KHDRBS2: variants seen among roughly 807,000 people sequenced by gnomAD.
KHDRBS2 encodes the protein KH RNA binding domain containing, signal transduction associated 2.
KHDRBS2 carries 26 observed loss-of-function variants against 44.3 expected under a neutral mutation model. That is an observed-to-expected ratio of 0.59 (90% CI 0.43 to 0.81). The LOEUF (loss-of-function observed/expected upper bound fraction) is 0.81. Ranked by LOEUF, KHDRBS2 falls within the 40% of genes least tolerant of loss-of-function variation. The probability of loss-of-function intolerance (pLI) is 0.00; values close to 1 mark genes in which losing one functional copy is unlikely to be tolerated. For synonymous variants in KHDRBS2, 194 were observed against 151.1 expected (o/e 1.28, Z -2.08); for missense variants, 476 against 433.1 (o/e 1.10, Z -0.88).
chr6:61,595,047 CT>C, the KHDRBS2 span, among the ~76,000 whole-genome samples: 1 of 152,114 alleles, frequency 6.6e-6, no homozygotes, highest in Non-Finnish European at 1.5e-5. Flanking sequence ...TTCCTTTTCT[CT>C]CTCCCCACTG....
intron 1 of KHDRBS2, among the ~76,000 whole-genome samples, chr6:62,223,924 C>A (rs1831324578): frequency 6.6e-6 from 1 of 152,160 alleles, no homozygotes; most frequent in South Asian, 2.1e-4. Flanking sequence ...AACTCTCCCA[C>A]ATTTTCCTGT....
chr6:61,813,982 T>TAA (rs35068148), intron 6 of KHDRBS2: 3 of 455,504 alleles, frequency 6.6e-6, no homozygotes, highest in African/African-American at 2.0e-5. Context: ...TCCATGCCAG[T>TAA]AAAAAAAGCT....
chr6:62,219,284 G>A (rs1375598642), intron 1 of KHDRBS2, among the ~76,000 whole-genome samples: 1 of 151,874 alleles, frequency 6.6e-6, no homozygotes, highest in African/African-American at 2.4e-5. Context: ...ATGATTATAA[G>A]AGATACAGAA....
chr6:62,036,572 C>T lies in KHDRBS2; in HGVS notation c.336+11306G>A, dbSNP rs141518928. 2.8e-3 allele frequency among the ~76,000 whole-genome samples: 428 copies of T among 151,996 alleles called. 3 individuals are homozygous for T. Among genetic ancestry groups the T allele is most frequent in the African/African-American group, 9.4e-3 (390 of 41,520 alleles). On this transcript the variant is annotated intron_variant, in intron 3 of 8. Coordinates refer to ENST00000281156, the MANE Select transcript of KHDRBS2 (RefSeq NM_152688.4). Reference sequence around the variant, plus strand: ...TATAAGAAAAAAAAGTAATTTGGATCCATTTTCTATTTATTTAACTTAGGT... The same window carrying T: ...TATAAGAAAAAAAAGTAATTTGGATTCATTTTCTATTTATTTAACTTAGGT...
chr6:62,010,428 GAA>G (rs1187847563), intron 3 of KHDRBS2, among the ~76,000 whole-genome samples: 1 of 152,142 alleles, frequency 6.6e-6, no homozygotes, highest in Non-Finnish European at 1.5e-5. Flanking sequence ...AGTTAATGCT[GAA>G]AAGAGTTGAG....
At chr6:62,259,352 A>G (rs1294772730) in intron 1 of KHDRBS2, among the ~76,000 whole-genome samples, 1 of 151,860 alleles carries the variant, frequency 6.6e-6, no homozygotes, top group Non-Finnish European at 1.5e-5. Flanking sequence ...TTCAAATACT[A>G]TATTTTCCTT....
chr6:61,861,984 G>A (rs1396085921), intron 6 of KHDRBS2, among the ~76,000 whole-genome samples: 1 of 152,036 alleles, frequency 6.6e-6, no homozygotes, highest in Non-Finnish European at 1.5e-5. Context: ...ACCTGTGAAT[G>A]GGAGTTCATT....
rs71568778 is a variant in KHDRBS2 at position 61,893,301 on chromosome 6, C to T, written c.810+1334G>A. On this transcript the variant is annotated intron_variant, in intron 6 of 8. Transcript: ENST00000281156. ...TAGGAACACTTTTACACTGTTGGTGCGACTGTAAACTAGTTCAACCATTGT... is the reference window on the plus strand; with the variant it reads ...TAGGAACACTTTTACACTGTTGGTGTGACTGTAAACTAGTTCAACCATTGT... Among the ~76,000 whole-genome samples the T allele has an allele frequency of 6.8e-4, 104 of 152,180 alleles. 3 individuals are homozygous for T. In the South Asian group the frequency reaches 0.018, roughly 26 times the overall value.
intron 6 of KHDRBS2, among the ~76,000 whole-genome samples, chr6:61,851,998 G>C (rs1421689202): frequency 6.6e-6 from 1 of 152,116 alleles, no homozygotes; most frequent in African/African-American, 2.4e-5. Flanking sequence ...GAGGCAGGCG[G>C]ATCACCTGAG....
chr6:62,046,537 G>C (rs1562716970), intron 3 of KHDRBS2, among the ~76,000 whole-genome samples: 1 of 151,872 alleles, frequency 6.6e-6, no homozygotes, highest in Non-Finnish European at 1.5e-5. Context: ...CACACAATAT[G>C]AAGTTTATAA....
rs903202374 is a variant in KHDRBS2 at position 62,218,940 on chromosome 6, T to C, written c.92-41628A>G. On this transcript the variant is annotated intron_variant, in intron 1 of 8. Coordinates refer to ENST00000281156, the MANE Select transcript of KHDRBS2 (RefSeq NM_152688.4). The stretch of plus-strand genomic sequence containing the variant: ...ACAGAAAGTTAAACACTGTGTATAA[T>C]TGGGAGCCAAATAATATGTATGTGG... Among the ~76,000 whole-genome samples, 4 of 151,876 alleles carry C rather than the reference T, an allele frequency of 2.6e-5. 1 individual carries two copies. The highest frequency in any genetic ancestry group is 4.4e-5 in the Non-Finnish European group (3 of 67,842).
chr6:61,879,142 A>G (rs993782930), intron 6 of KHDRBS2, among the ~76,000 whole-genome samples: 1 of 151,972 alleles, frequency 6.6e-6, no homozygotes, highest in Admixed American at 6.6e-5. Context: ...AATAGAAAGC[A>G]GTATATACCT....
At chr6:61,699,767 G>A (rs1457410862) in intron 7 of KHDRBS2, among the ~76,000 whole-genome samples, 1 of 151,972 alleles carries the variant, frequency 6.6e-6, no homozygotes, top group Non-Finnish European at 1.5e-5. Context: ...ATCTTCCTTG[G>A]AGGCAATTTA....
chr6:61,800,797 C>T (rs1456147305), intron 6 of KHDRBS2, among the ~76,000 whole-genome samples: 1 of 151,964 alleles, frequency 6.6e-6, no homozygotes, highest in Admixed American at 6.6e-5. Flanking sequence ...TGTTAGTTTC[C>T]TCTCTTTTTA....
intron 2 of KHDRBS2, among the ~76,000 whole-genome samples, chr6:62,059,198 G>GTT (rs398001756): frequency 0.033 from 816 of 24,814 alleles, 321 homozygotes; most frequent in Non-Finnish European, 0.051. Flanking sequence ...AAGTTAGGAA[G>GTT]TTTTTTTTTT....
intron 3 of KHDRBS2, among the ~76,000 whole-genome samples, chr6:61,991,997 GAAGT>G (rs1304417608): frequency 6.6e-6 from 1 of 152,180 alleles, no homozygotes; most frequent in African/African-American, 2.4e-5. Flanking sequence ...AACGGACTGA[GAAGT>G]AAGCACCATT....
At chr6:61,741,582 A>G (rs1776141971) in intron 6 of KHDRBS2, among the ~76,000 whole-genome samples, 1 of 152,008 alleles carries the variant, frequency 6.6e-6, no homozygotes, top group South Asian at 2.1e-4. Context: ...CCAGGTAGTG[A>G]GTATAGGACT....
intron 4 of KHDRBS2, among the ~76,000 whole-genome samples, chr6:61,907,156 A>T (rs1179511631): frequency 6.6e-6 from 1 of 152,128 alleles, no homozygotes; most frequent in African/African-American, 2.4e-5. Flanking sequence ...GATGATTAAT[A>T]ATGTTGAGCA....
intron 6 of KHDRBS2, among the ~76,000 whole-genome samples, chr6:61,857,166 A>G (rs921363051): frequency 1.5e-4 from 23 of 152,204 alleles, no homozygotes; most frequent in Non-Finnish European, 8.8e-5. Flanking sequence ...TCTTTTTAAG[A>G]TTCATGGATT....
Sources: gnomAD v4.1 joint callset for allele counts (sites outside exome capture counted in the v4.1 genomes callset) on GRCh38, gnomAD v4.1.1 for gene constraint, MANE v1.5 for transcripts, NCBI Gene and HGNC (gene_info 2026-07-23, HGNC 2026-07-21) for gene names.